Variants in PHF20 observed in about 807,000 individuals in gnomAD.
The protein encoded by PHF20 is glioma-expressed antigen 2.
A neutral mutation model predicts 113.5 loss-of-function variants in PHF20; 23 were observed. The observed-to-expected ratio is 0.20, with a 90% CI of 0.15 to 0.29. The LOEUF (loss-of-function observed/expected upper bound fraction) is 0.29, where lower values mean the gene tolerates loss of function less well. PHF20 is among the 10% of genes least tolerant of loss of function. The probability of loss-of-function intolerance (pLI) is 1.00; values close to 1 mark genes in which losing one functional copy is unlikely to be tolerated. For missense variants in PHF20, 943 were observed against 1,219.6 expected (o/e 0.77, Z 3.38); for synonymous variants, 434 against 457.3 (o/e 0.95, Z 0.65).
chr20:35,935,216 T>C (rs369738299), intron 15 of PHF20, among the ~76,000 whole-genome samples: 4 of 152,258 alleles, frequency 2.6e-5, no homozygotes, highest in African/African-American at 9.6e-5. Context: ...AAATAATAAT[T>C]GTTATCCTCC....
At chr20:35,941,948 G>A (rs1219128137) in intron 17 of PHF20, among the ~76,000 whole-genome samples, 1 of 152,102 alleles carries the variant, frequency 6.6e-6, no homozygotes, top group African/African-American at 2.4e-5. Flanking sequence ...AGGACTCAGG[G>A]TGGATGATCT....
At position 35,850,121 on chromosome 20, in the gene PHF20, T is replaced by G. The variant is rs189365365; in HGVS notation, c.340+2687T>G. On this transcript the variant is annotated intron_variant, in intron 4 of 17. Transcript: ENST00000374012. ...GGAGTGGTTCTTCAGCAGTGGAGAT[T>G]AAGCATTATTTAGTACGAAGGCAGC... 2.0e-4 allele frequency among the ~76,000 whole-genome samples: 30 copies of G among 152,260 alleles called. No individual in the cohort carries two copies. The East Asian group carries it at 5.8e-3, about 29-fold the overall frequency.
chr20:35,876,831 G>A (rs2054532463), intron 9 of PHF20, among the ~76,000 whole-genome samples: 1 of 152,014 alleles, frequency 6.6e-6, no homozygotes, highest in African/African-American at 2.4e-5. Context: ...ATTTGGCCGG[G>A]CGCAGTGTCT....
chr20:35,800,798 A>G (rs1453943695), intron 1 of PHF20, among the ~76,000 whole-genome samples: 1 of 152,128 alleles, frequency 6.6e-6, no homozygotes, highest in Admixed American at 6.6e-5. Flanking sequence ...CAGACCTCGT[A>G]CAGCCTTCCA....
intron 5 of PHF20, among the ~76,000 whole-genome samples, chr20:35,861,136 A>G (rs1310051020): frequency 6.6e-6 from 1 of 150,684 alleles, no homozygotes; most frequent in Non-Finnish European, 1.5e-5. Flanking sequence ...TTCGTATACT[A>G]TTGGAATAGA....
At chr20:35,873,622 C>T (rs1417723202) in intron 9 of PHF20, among the ~76,000 whole-genome samples, 11 of 152,006 alleles carry the variant, frequency 7.2e-5, no homozygotes, top group Non-Finnish European at 4.4e-5. Context: ...GCACCCACCA[C>T]CACAATCGGC....
At chr20:35,886,646 G>A (rs1196907853) in intron 9 of PHF20, among the ~76,000 whole-genome samples, 1 of 152,216 alleles carries the variant, frequency 6.6e-6, no homozygotes, top group Non-Finnish European at 1.5e-5. Flanking sequence ...CCCCTGGCTG[G>A]AGAAGTGACA....
chr20:35,895,065 C>T (rs2054953893), intron 9 of PHF20, among the ~76,000 whole-genome samples: 2 of 152,118 alleles, frequency 1.3e-5, no homozygotes, highest in African/African-American at 4.8e-5. Context: ...GCTCTGTCGC[C>T]CAGGCTGGGG....
intron 2 of PHF20, among the ~76,000 whole-genome samples, chr20:35,810,824 G>T (rs2041963681): frequency 6.6e-6 from 1 of 152,086 alleles, no homozygotes; most frequent in African/African-American, 2.4e-5. Flanking sequence ...TAAAATCTTT[G>T]ACTTTGAATG....
At chr20:35,910,259 G>C (rs1319369595) in intron 10 of PHF20, among the ~76,000 whole-genome samples, 3 of 152,150 alleles carry the variant, frequency 2.0e-5, no homozygotes, top group Non-Finnish European at 4.4e-5. Flanking sequence ...TGAGGGGAAG[G>C]GCTTAGGGGA....
intron 13 of PHF20, among the ~76,000 whole-genome samples, chr20:35,920,537 G>C (rs1304641034): frequency 6.6e-6 from 1 of 152,194 alleles, no homozygotes; most frequent in Non-Finnish European, 1.5e-5. Context: ...CATTGTTGTA[G>C]AACCATTAAA....
chr20:35,893,861 C>G (rs1038855056), intron 9 of PHF20, among the ~76,000 whole-genome samples: 2 of 152,212 alleles, frequency 1.3e-5, no homozygotes, highest in Non-Finnish European at 2.9e-5. Context: ...GGTGATCTGC[C>G]TGCCTTGGCT....
chr20:35,867,564 T>C (rs1314672412), intron 6 of PHF20, among the ~76,000 whole-genome samples: 1 of 152,164 alleles, frequency 6.6e-6, no homozygotes, highest in Non-Finnish European at 1.5e-5. Context: ...CCCAGCCTGT[T>C]TGTATTTATG....
At chr20:35,896,081 ATGTGTGTGTGTGTG>A (rs10633976) in intron 9 of PHF20, among the ~76,000 whole-genome samples, 10 of 143,134 alleles carry the variant, frequency 7.0e-5, no homozygotes, top group African/African-American at 2.3e-4. Context: ...ATGCTTTGGG[ATGTGTGTGTGTGTG>A]TGTGTGTGTG....
At chr20:35,890,164 A>G (rs1261035935) in intron 9 of PHF20, among the ~76,000 whole-genome samples, 6 of 151,894 alleles carry the variant, frequency 4.0e-5, no homozygotes. Context: ...AGTAGCCGAG[A>G]CTATGGGTGC....
At chr20:35,829,865 A>C (rs565410073) in intron 2 of PHF20, among the ~76,000 whole-genome samples, 19 of 148,400 alleles carry the variant, frequency 1.3e-4, no homozygotes, top group Middle Eastern at 6.9e-3. Context: ...GGCCTCTCAA[A>C]GTATTGGGAT....
intron 9 of PHF20, among the ~76,000 whole-genome samples, chr20:35,895,304 G>T (rs1356867104): frequency 6.6e-6 from 1 of 152,066 alleles, no homozygotes; most frequent in Admixed American, 6.6e-5. Context: ...GATTACAGGT[G>T]TGAGCCACCG....
chr20:35,850,627 CTA>C (rs1327138543), intron 4 of PHF20: 2 of 37,258 alleles, frequency 5.4e-5, no homozygotes, highest in Non-Finnish European at 8.7e-5. Flanking sequence ...GACGGAGTCT[CTA>C]TGAGCTGTTT....
At chr20:35,849,552 A>T (rs1436525898) in intron 4 of PHF20, 8 of 467,814 alleles carry the variant, frequency 1.7e-5, no homozygotes, top group East Asian at 7.0e-5. Flanking sequence ...TGAAATAATG[A>T]TTTCAAAAAT....
Sources: gnomAD v4.1 joint callset for allele counts (sites outside exome capture counted in the v4.1 genomes callset) on GRCh38, gnomAD v4.1.1 for gene constraint, MANE v1.5 for transcripts, NCBI Gene and HGNC (gene_info 2026-07-23, HGNC 2026-07-21) for gene names.